Variants in TTN observed in about 807,000 individuals in gnomAD.
TTN encodes the protein titin.
A neutral mutation model predicts 3,223.0 loss-of-function variants in TTN; 1,525 were observed. The observed-to-expected ratio is 0.47, with a 90% confidence interval of 0.45 to 0.49. The LOEUF (loss-of-function observed/expected upper bound fraction) is 0.49, where lower values mean the gene tolerates loss of function less well. Among genes scored for constraint, TTN ranks in the 20% least tolerant of loss-of-function variants. TTN has a pLI of 0.00. For missense variants in TTN, 40,786 were observed against 43,424.0 expected (o/e 0.94, Z 5.40); for synonymous variants, 14,094 against 15,161.0 (o/e 0.93, Z 5.17).
rs1294697191 is a variant in TTN, at chr2:178,719,447, C to T, written c.23943G>A (p.Arg7981=). The change falls in exon 83 of 363, where the codon CGG becomes CGA. Residue 7981 remains arginine, a synonymous_variant. Coordinates refer to ENST00000589042, the MANE Select transcript of TTN (RefSeq NM_001267550.2). ...NCTVSVHVSD[R]IVPPSFIRKL... ...TGCGGATGAAGGAAGGAGGCACAAT[C>T]CGATCTATGTGGGGAAGGGTAGTTT... 3 of 1,611,522 alleles carry T rather than the reference C, an allele frequency of 1.9e-6. No individual in the cohort carries two copies. The East Asian group carries it at 6.7e-5, about 36-fold the overall frequency.
chr2:178,574,424 G>T lies in TTN; in HGVS notation c.71708C>A (p.Ala23903Glu). The T allele has an allele frequency of 6.2e-7, 1 of 1,613,486 alleles. No individual in the cohort carries two copies. The highest frequency in any genetic ancestry group is 8.5e-7 in the Non-Finnish European group (1 of 1,179,616). The change falls in exon 326 of 363, where the codon GCA becomes GAA. Residue 23903 changes from alanine (A) to glutamate (E), a missense_variant. Coordinates refer to ENST00000589042, the MANE Select transcript of TTN (RefSeq NM_001267550.2). Reference protein sequence around the residue: ...DGIAYEFRVIAENMAGKSKPS... With the variant: ...DGIAYEFRVIEENMAGKSKPS... ...CTTACTTTTGCCTGCCATGTTTTCT[G>T]CAATCACCCGGAACTCATAAGCAAT...
In TTN at chr2:178,748,778, T is replaced by C. The variant is rs147073497; in HGVS notation, c.11311+4346A>G. Reference sequence around the variant, plus strand: ...TTCCCTTTCTTGTGCGTCAAATTCTTTATGAGTTTGAGAGGAAAGCAGCTT... The same window carrying C: ...TTCCCTTTCTTGTGCGTCAAATTCTCTATGAGTTTGAGAGGAAAGCAGCTT... On this transcript the variant is annotated intron_variant, in intron 47 of 362. Transcript: ENST00000589042. The C allele has an allele frequency of 6.2e-5, 100 of 1,612,338 alleles. No homozygotes were observed. The highest frequency in any genetic ancestry group is 8.2e-5 in the Non-Finnish European group (97 of 1,179,336).
chr2:178,790,045 T>C lies in TTN; in HGVS notation c.1871A>G (p.Asp624Gly). The C allele has an allele frequency of 6.2e-7, 1 of 1,613,330 alleles. No individual in the cohort carries two copies. Among genetic ancestry groups the C allele is most frequent in the South Asian group, 1.1e-5 (1 of 91,078 alleles). Residue 624 changes from aspartate to glycine, a missense_variant, in exon 12 of 363, where the codon GAT becomes GGT. Transcript: ENST00000589042. ...GCCTTCTCTACCTCTTGATACTAAA[T>C]CTTGTTCTTTGACTTTGGGTGTGGC... ...IVATPKVKEQ[D>G]LVSRGREGIT...
rs878966051 is a variant in TTN at position 178,632,649 on chromosome 2, A to G, written c.43357T>C (p.Phe14453Leu). The change falls in exon 235 of 363, where the codon TTT becomes CTT. Residue 14453 changes from phenylalanine (F) to leucine (L), a missense_variant. By Grantham distance (22) the Phe-to-Leu change is conservative (BLOSUM62 0). Coordinates refer to ENST00000589042, the MANE Select transcript of TTN (RefSeq NM_001267550.2). ...GTQEITGDDR[F>L]ELIKDGTKHS... Reference sequence around the variant, plus strand: ...TTAGTGCCATCCTTTATAAGCTCAAATCTGTCATCACCTGTGATTTCCTGG... The same window carrying G: ...TTAGTGCCATCCTTTATAAGCTCAAGTCTGTCATCACCTGTGATTTCCTGG... 1 of 1,613,492 alleles carries G rather than the reference A, an allele frequency of 6.2e-7. No homozygotes were observed. The highest frequency in any genetic ancestry group is 8.5e-7 in the Non-Finnish European group (1 of 1,179,572).
chr2:178,532,961 T>C lies in TTN; in HGVS notation c.103654A>G (p.Thr34552Ala), dbSNP rs765004075. 3.1e-6 allele frequency: 5 copies of C among 1,613,940 alleles called. No individual in the cohort carries two copies. Among genetic ancestry groups the C allele is most frequent in the South Asian group, 2.2e-5 (2 of 91,082 alleles). The change falls in exon 358 of 363, where the codon ACC becomes GCC. Residue 34552 changes from threonine to alanine, a missense_variant. Coordinates refer to ENST00000589042, the MANE Select transcript of TTN (RefSeq NM_001267550.2). ...TTGATGCGTTGGTCTTCTTCTATGG[T>C]AGTCTGCTTATACTTGCGTGGCTCT... ...VPEPRKYKQT[T>A]IEEDQRIKQF... is the part of the protein sequence containing the mutation.
At position 178,714,101 on chromosome 2, in the gene TTN, C is replaced by T; in HGVS notation, c.26557G>A (p.Val8853Ile). The change falls in exon 92 of 363, where the codon GTA becomes ATA. Residue 8853 changes from valine (V) to isoleucine (I), a missense_variant. Val to Ile is a conservative substitution (Grantham distance 29). Coordinates refer to ENST00000589042, the MANE Select transcript of TTN (RefSeq NM_001267550.2). Reference sequence around the variant, plus strand: ...GTACTGAGTTCAGGGGTGCCAGCTACTGTACACTCCAAGGTACAGGTGTCT... The same window carrying T: ...GTACTGAGTTCAGGGGTGCCAGCTATTGTACACTCCAAGGTACAGGTGTCT... ...TGDTCTLECT[V>I]AGTPELSTKW... 1 of 1,613,724 alleles carries T rather than the reference C, an allele frequency of 6.2e-7. No homozygotes were observed. Among genetic ancestry groups the T allele is most frequent in the Non-Finnish European group, 8.5e-7 (1 of 1,179,742 alleles).
rs771838313 is a variant in TTN at position 178,618,872 on chromosome 2, T to C, written c.46697-19A>G. 7 of 1,603,364 alleles carry C rather than the reference T, an allele frequency of 4.4e-6. No individual in the cohort carries two copies. In the African/African-American group the frequency reaches 8.1e-5, roughly 18 times the overall value. On this transcript the variant is annotated intron_variant, in intron 250 of 362. Coordinates refer to ENST00000589042, the MANE Select transcript of TTN (RefSeq NM_001267550.2). ...GGTGCAGCTAGTGAGAAAGATAACA[T>C]GTGAACGCTTTCGACTATTAAACGT...
In TTN at chr2:178,709,816, C is replaced by G; in HGVS notation, c.28503G>C (p.Glu9501Asp). The part of the protein sequence containing the change: ...IPPSFTKRLS[E>D]TVEETEGNSF... ...AATTCCCTTCTGTTTCTTCTACTGT[C>G]TCTGAGAGTCTTTTAGTGAAACTTG... is the stretch of plus-strand genomic sequence containing the variant. The change falls in exon 99 of 363, where the codon GAG (glutamate) becomes GAC (aspartate). Residue 9501 changes from glutamate to aspartate, a missense_variant. Glu to Asp is a conservative substitution (Grantham distance 45). Transcript: ENST00000589042. 1 of 1,613,182 alleles carries G rather than the reference C, an allele frequency of 6.2e-7. No homozygotes were observed. Among genetic ancestry groups the G allele is most frequent in the Non-Finnish European group, 8.5e-7 (1 of 1,179,618 alleles).
rs1160417169 is a variant in TTN at position 178,547,683 on chromosome 2, G to A, written c.93943C>T (p.Pro31315Ser). Reference sequence around the variant, plus strand: ...GCTGAGACAGATGAGACCTCAATGGGGCCGGTTACTGGACCTGGCCTTCCA... The same window carrying A: ...GCTGAGACAGATGAGACCTCAATGGAGCCGGTTACTGGACCTGGCCTTCCA... ...VIGRPGPVTG[P>S]IEVSSVSAES... The change falls in exon 339 of 363, where the codon CCC (proline) becomes TCC (serine). Residue 31315 changes from proline (P) to serine (S), a missense_variant. Pro to Ser is a moderately conservative substitution (Grantham distance 74, BLOSUM62 -1). Transcript: ENST00000589042. 1.2e-6 allele frequency: 2 copies of A among 1,613,850 alleles called. No individual in the cohort carries two copies. Among genetic ancestry groups the A allele is most frequent in the Admixed American group, 1.7e-5 (1 of 60,008 alleles).
At chr2:178,735,486 G>A in intron 50 of TTN, 25 bp downstream of exon 50, 2 of 1,528,384 alleles carry the variant, frequency 1.3e-6, no homozygotes, top group South Asian at 2.7e-5. Context: ...GAAGGGACTA[G>A]AAAATACATT....
Position 178,672,718 on chromosome 2 carries a change from G to A in TTN, c.34787-15C>T, listed in dbSNP as rs746501514. The A allele has an allele frequency of 6.3e-7, 1 of 1,584,236 alleles. No homozygotes were observed. Among genetic ancestry groups the A allele is most frequent in the Non-Finnish European group, 8.6e-7 (1 of 1,163,340 alleles). On this transcript the variant is annotated splice_polypyrimidine_tract_variant and intron_variant, in intron 152 of 362. Coordinates refer to ENST00000589042, the MANE Select transcript of TTN (RefSeq NM_001267550.2). ...TTTCTTTGACACTTTAAAGATATTA[G>A]GTGTTTTAGTTAGCTGAGAATGTTC...
At position 178,756,422 on chromosome 2, in the gene TTN, T is replaced by C; in HGVS notation, c.11054A>G (p.Asp3685Gly). 4 of 1,613,824 alleles carry C rather than the reference T, an allele frequency of 2.5e-6. No homozygotes were observed. The highest frequency in any genetic ancestry group is 3.4e-6 in the Non-Finnish European group (4 of 1,179,824). ...DTAQFLCVLK[D>G]DSFIDVTWTH... ...CCAGGTTACATCAATGAAAGAATCATCTTTTAAAACACAGAGGAATTGAGC... is the reference window on the plus strand; with the variant it reads ...CCAGGTTACATCAATGAAAGAATCACCTTTTAAAACACAGAGGAATTGAGC... The change falls in exon 46 of 363, where the codon GAT becomes GGT. Residue 3685 changes from aspartate to glycine, a missense_variant. Transcript: ENST00000589042.
chr2:178,749,411 C>G, intron 47 of TTN: 7 of 1,613,090 alleles, frequency 4.3e-6, no homozygotes, highest in Non-Finnish European at 5.9e-6. Context: ...AATTTTTTCT[C>G]TAGAAGGTAT....
rs762315483 is a variant in TTN, at chr2:178,646,050, G to T, written c.40298-20C>A. 3.5e-6 allele frequency: 5 copies of T among 1,418,382 alleles called. No individual in the cohort carries two copies. The highest frequency in any genetic ancestry group is 2.7e-5 in the Admixed American group (1 of 36,656). 87.9% of individuals were successfully genotyped at this position (1,418,382 alleles called of 1,614,324 possible). On this transcript the variant is annotated intron_variant, in intron 216 of 362. Transcript: ENST00000589042. ...CAGGTTCTTGAAAGAGTATTTCAGAGGTGTTAGTATATGTATATGTTAGCA... is the reference window on the plus strand; with the variant it reads ...CAGGTTCTTGAAAGAGTATTTCAGATGTGTTAGTATATGTATATGTTAGCA...
In TTN at chr2:178,552,599, A is replaced by G. The variant is rs777004601; in HGVS notation, c.90301T>C (p.Phe30101Leu). ...SQLKEQSVLE[F>L]RVFAKNEKGL... ...TTCTCATTTTTGGCAAACACTCTGA[A>G]CTCCAGGACTGACTGCTCCTTAAGT... Residue 30101 changes from phenylalanine to leucine, a missense_variant, in exon 335 of 363, where the codon TTC becomes CTC. Physicochemically the swap from Phe to Leu is conservative, Grantham distance 22 (BLOSUM62 0). Coordinates refer to ENST00000589042, the MANE Select transcript of TTN (RefSeq NM_001267550.2). 6.2e-7 allele frequency: 1 copy of G among 1,613,668 alleles called. No homozygotes were observed. Among genetic ancestry groups the G allele is most frequent in the South Asian group, 1.1e-5 (1 of 91,060 alleles).
intron 312 of TTN, 35 bp from the exon 313 acceptor site, chr2:178,583,262 C>T (rs986565129): frequency 6.7e-7 from 1 of 1,497,104 alleles, no homozygotes; most frequent in Non-Finnish European, 8.9e-7. Flanking sequence ...TTAATGTATG[C>T]AAAGCTATAT....
chr2:178,792,881 CT>C (rs1283971528), intron 9 of TTN, among the ~76,000 whole-genome samples: 10 of 152,238 alleles, frequency 6.6e-5, no homozygotes, highest in Admixed American at 1.3e-4. Context: ...ATTTTCCAAT[CT>C]GTCCCCAAAT....
rs377063950 is a variant in TTN at position 178,740,344 on chromosome 2, A to C, written c.12889T>G (p.Cys4297Gly). The change falls in exon 48 of 363, where the codon TGC becomes GGC. Residue 4297 changes from cysteine to glycine, a missense_variant. Physicochemically the swap from Cys to Gly is radical, Grantham distance 159. Transcript: ENST00000589042. ...YEPLVPSEHS[C>G]TEGGKILIES... ...ATCAAAATTTTACCTCCTTCTGTGC[A>C]TGAGTGTTCTGAAGGGACTAGGGGC... 92 of 1,613,594 alleles carry C rather than the reference A, an allele frequency of 5.7e-5. No individual in the cohort carries two copies. The highest frequency in any genetic ancestry group is 1.0e-4 in the Admixed American group (6 of 59,970).
rs1460827160 is a variant in TTN at position 178,604,767 on chromosome 2, T to G, written c.54322A>C (p.Ser18108Arg). The G allele has an allele frequency of 1.9e-6, 3 of 1,612,166 alleles. No homozygotes were observed. Among genetic ancestry groups the G allele is most frequent in the Non-Finnish European group, 2.5e-6 (3 of 1,178,922 alleles). The change falls in exon 281 of 363, where the codon AGT becomes CGT. Residue 18108 changes from serine to arginine, a missense_variant. By Grantham distance (110) the Ser-to-Arg change is moderately radical (BLOSUM62 -1). Transcript: ENST00000589042. The part of the protein sequence containing the change: ...THYVIDKRDA[S>R]RKKAEWEEVT... Reference sequence around the variant, plus strand: ...TCCTCCCATTCTGCTTTCTTCCTACTTGCATCACGTTTGTCAATAACATAA... The same window carrying G: ...TCCTCCCATTCTGCTTTCTTCCTACGTGCATCACGTTTGTCAATAACATAA...
Sources: gnomAD v4.1 joint callset for allele counts (sites outside exome capture counted in the v4.1 genomes callset) on GRCh38, gnomAD v4.1.1 for gene constraint, MANE v1.5 for transcripts, NCBI Gene and HGNC (gene_info 2026-07-23, HGNC 2026-07-21) for gene names.